The following CABCOCO1 variants were observed in gnomAD, a reference collection of about 807,000 sequenced individuals.
CABCOCO1 encodes ciliary associated calcium binding coiled-coil 1, also known as ciliary-associated calcium-binding coiled-coil protein 1.
Under a neutral mutation model 35.7 loss-of-function variants are expected in CABCOCO1, and 28 were observed. The ratio of observed to expected loss-of-function variants is 0.78; its 90% CI spans 0.58 to 1.07. CABCOCO1 has a LOEUF of 1.07. CABCOCO1 is among the 50% of genes least tolerant of loss of function. The pLI is 0.00. For missense variants in CABCOCO1, 326 were observed against 309.2 expected (o/e 1.05, Z -0.41); for synonymous variants, 95 against 100.1 (o/e 0.95, Z 0.30).
intron 5 of CABCOCO1, among the ~76,000 whole-genome samples, chr10:61,752,239 T>G (rs1011405832): frequency 6.6e-6 from 1 of 152,056 alleles, no homozygotes; most frequent in African/African-American, 2.4e-5. Flanking sequence ...GTCCTGTTTC[T>G]AGAATGCCAA....
chr10:61,703,765 C>A (rs936962138), intron 5 of CABCOCO1, among the ~76,000 whole-genome samples: 1 of 151,994 alleles, frequency 6.6e-6, no homozygotes, highest in African/African-American at 2.4e-5. Flanking sequence ...ACTCCTGCTG[C>A]CCCCTACACA....
intron 2 of CABCOCO1, among the ~76,000 whole-genome samples, chr10:61,679,325 A>ATTTC (rs1554821368): frequency 0.058 from 7,805 of 134,300 alleles, 385 homozygotes; most frequent in African/African-American, 0.13. Context: ...ATCTATATCT[A>ATTTC]TATCTATCTA....
chr10:61,673,494 G>A lies in CABCOCO1; in HGVS notation c.164+759G>A, dbSNP rs544014927. Among the ~76,000 whole-genome samples the A allele has an allele frequency of 2.1e-3, 323 of 152,268 alleles. 3 individuals are homozygous for A. The highest frequency in any genetic ancestry group is 7.0e-3 in the African/African-American group (292 of 41,548). On this transcript the variant is annotated intron_variant, in intron 2 of 7. Transcript: ENST00000648843. ...CAGTTCTCTGCAGGCCAGTCCTTGG[G>A]ACACAAACAGGGTGTCGTGGACCAT...
intron 5 of CABCOCO1, among the ~76,000 whole-genome samples, chr10:61,694,563 C>T (rs1342201493): frequency 1.3e-5 from 2 of 151,488 alleles, no homozygotes; most frequent in Admixed American, 1.3e-4. Context: ...AGACATATTC[C>T]ATAATGGCAA....
intron 5 of CABCOCO1, among the ~76,000 whole-genome samples, chr10:61,757,384 C>A (rs974205158): frequency 3.3e-5 from 5 of 151,984 alleles, no homozygotes; most frequent in Non-Finnish European, 7.4e-5. Flanking sequence ...TGGGACATTT[C>A]TTTCCCTTGC....
intron 1 of CABCOCO1, among the ~76,000 whole-genome samples, chr10:61,671,071 A>T (rs1199521363): frequency 6.6e-6 from 1 of 152,242 alleles, no homozygotes; most frequent in Admixed American, 6.5e-5. Flanking sequence ...CCACGCCTGT[A>T]ATCCCATCAC....
intron 1 of CABCOCO1, among the ~76,000 whole-genome samples, chr10:61,672,113 T>G (rs1681651584): frequency 6.6e-6 from 1 of 152,224 alleles, no homozygotes; most frequent in Admixed American, 6.5e-5. Context: ...TTCATTCACA[T>G]GGGGCATTGG....
intron 5 of CABCOCO1, among the ~76,000 whole-genome samples, chr10:61,716,820 A>G (rs528445918): frequency 4.6e-5 from 7 of 152,168 alleles, no homozygotes; most frequent in East Asian, 1.9e-4. Flanking sequence ...AACATTTAAT[A>G]AGTGAAGATT....
chr10:61,681,049 G>GCATTAAAGAATTTT, intron 2 of CABCOCO1, 94 bp from the exon 3 acceptor site: 1 of 649,020 alleles, frequency 1.5e-6, no homozygotes. Context: ...CAGATTATGG[G>GCATTAAAGAATTTT]CATTAAAGAA....
chr10:61,681,105 A>C (rs1839778263), intron 2 of CABCOCO1, 38 bp from the exon 3 acceptor site: 6 of 1,261,650 alleles, frequency 4.8e-6, no homozygotes, highest in Non-Finnish European at 6.3e-6. Context: ...TCAATATCTA[A>C]TCTGAATTAA....
intron 5 of CABCOCO1, among the ~76,000 whole-genome samples, chr10:61,704,042 C>T (rs1840533535): frequency 6.6e-6 from 1 of 151,634 alleles, no homozygotes; most frequent in African/African-American, 2.4e-5. Flanking sequence ...ATGGTGAAAC[C>T]CCCGTCTCTA....
intron 5 of CABCOCO1, among the ~76,000 whole-genome samples, chr10:61,703,747 G>A (rs998329614): frequency 2.6e-5 from 4 of 151,714 alleles, no homozygotes; most frequent in East Asian, 1.9e-4. Context: ...ACATATGCAC[G>A]CACATAAACT....
chr10:61,681,106 T>A, intron 2 of CABCOCO1, 37 bp from the exon 3 acceptor site: 1 of 1,264,178 alleles, frequency 7.9e-7, no homozygotes. Context: ...CAATATCTAA[T>A]CTGAATTAAT....
At chr10:61,745,365 T>C (rs1236563339) in intron 5 of CABCOCO1, among the ~76,000 whole-genome samples, 1 of 152,148 alleles carries the variant, frequency 6.6e-6, no homozygotes, top group Non-Finnish European at 1.5e-5. Flanking sequence ...ATGAGGCTAG[T>C]TGACAAGGTT....
intron 5 of CABCOCO1, among the ~76,000 whole-genome samples, chr10:61,736,879 A>G (rs763498774): frequency 1.2e-4 from 18 of 152,060 alleles, no homozygotes; most frequent in Non-Finnish European, 1.0e-4. Context: ...CTGTTTGCCT[A>G]GGTATTTTAT....
intron 1 of CABCOCO1, among the ~76,000 whole-genome samples, chr10:61,671,603 C>T (rs953639464): frequency 8.5e-5 from 13 of 152,184 alleles, no homozygotes. Context: ...CATTCTTTCT[C>T]CCCTCTTTTA....
Position 61,681,250 on chromosome 10 carries a change from T to C in CABCOCO1, c.272T>C (p.Phe91Ser). The change falls in exon 3 of 8, where the codon TTC (phenylalanine) becomes TCC (serine). Residue 91 changes from phenylalanine to serine, a missense_variant. Phe to Ser is a radical substitution (Grantham distance 155). Transcript: ENST00000648843. ...SGFLWARGMD[F>S]SIIQYSKFMT... ...TTTTTGTGGGCTAGAGGAATGGATTTCTCTATTATTCAGTATTCAAAATTT... is the reference window on the plus strand; with the variant it reads ...TTTTTGTGGGCTAGAGGAATGGATTCCTCTATTATTCAGTATTCAAAATTT... The C allele has an allele frequency of 6.4e-7, 1 of 1,567,616 alleles. No homozygotes were observed. Among genetic ancestry groups the C allele is most frequent in the Non-Finnish European group, 8.7e-7 (1 of 1,148,682 alleles).
chr10:61,709,398 A>G (rs773792731), intron 5 of CABCOCO1, among the ~76,000 whole-genome samples: 31 of 151,996 alleles, frequency 2.0e-4, no homozygotes, highest in Admixed American at 1.8e-3. Context: ...ATAAGGCCAG[A>G]CATTTGGAAC....
chr10:61,715,121 G>A, intron 5 of CABCOCO1, among the ~76,000 whole-genome samples: 1 of 151,978 alleles, frequency 6.6e-6, no homozygotes, highest in East Asian at 1.9e-4. Flanking sequence ...GTGTTAAAGT[G>A]TCCCATTATT....
Sources: gnomAD v4.1 joint callset for allele counts (sites outside exome capture counted in the v4.1 genomes callset) on GRCh38, gnomAD v4.1.1 for gene constraint, MANE v1.5 for transcripts, NCBI Gene and HGNC (gene_info 2026-07-23, HGNC 2026-07-21) for gene names.